The following MIS18A variants were observed in gnomAD, a reference collection of about 807,000 sequenced individuals.
MIS18A encodes the protein protein Mis18-alpha.
MIS18A carries 14 observed loss-of-function variants against 25.0 expected under a neutral mutation model. The ratio of observed to expected loss-of-function variants is 0.56; its 90% CI spans 0.37 to 0.88. MIS18A has a LOEUF of 0.88. MIS18A is among the 40% of genes least tolerant of loss of function. MIS18A has a pLI of 0.00. For missense variants in MIS18A, 292 were observed against 290.8 expected (o/e 1.00, Z -0.03); for synonymous variants, 134 against 118.6 (o/e 1.13, Z -0.84).
the MIS18A span, among the ~76,000 whole-genome samples, chr21:32,224,817 C>T: frequency 2.7e-5 from 4 of 148,820 alleles, no homozygotes; most frequent in Admixed American, 6.7e-5. Flanking sequence ...GCCTGCATCG[C>T]CAAGTCAACC....
At chr21:32,189,133 A>AG in the MIS18A span, among the ~76,000 whole-genome samples, 152,333 of 152,334 alleles carry the variant, frequency 1, 76,166 homozygotes, top group Non-Finnish European at 1. Context: ...CGGTGTGCGG[A>AG]CACCGCCATG....
chr21:32,211,758 G>T, the MIS18A span, among the ~76,000 whole-genome samples: 1 of 152,208 alleles, frequency 6.6e-6, no homozygotes, highest in Non-Finnish European at 1.5e-5. Flanking sequence ...TCATAATCAT[G>T]CAAGCTGCAA....
At chr21:32,165,296 C>T in the MIS18A span, among the ~76,000 whole-genome samples, 1 of 151,970 alleles carries the variant, frequency 6.6e-6, no homozygotes, top group Non-Finnish European at 1.5e-5. Flanking sequence ...CGCACTCCAA[C>T]CTGGGCAACA....
chr21:32,181,780 G>C, the MIS18A span, among the ~76,000 whole-genome samples: 8 of 152,132 alleles, frequency 5.3e-5, no homozygotes, highest in South Asian at 2.1e-4. Flanking sequence ...GTGCACATCT[G>C]GATCTGAGAC....
chr21:32,191,766 G>A, the MIS18A span, among the ~76,000 whole-genome samples: 1 of 151,928 alleles, frequency 6.6e-6, no homozygotes, highest in Admixed American at 6.6e-5. Context: ...TTAGCAGAGC[G>A]TTGTGGCGGG....
intron 4 of MIS18A, 43 bp downstream of exon 4, chr21:32,269,664 A>G (rs2031676619): frequency 3.2e-6 from 4 of 1,240,974 alleles, no homozygotes; most frequent in Non-Finnish European, 4.7e-6. Flanking sequence ...CTTCACTGAC[A>G]AACTGTTCAT....
chr21:32,221,271 C>T, the MIS18A span, among the ~76,000 whole-genome samples: 1 of 152,184 alleles, frequency 6.6e-6, no homozygotes, highest in Non-Finnish European at 1.5e-5. Flanking sequence ...ATCAGACCAA[C>T]AGGAGATCTC....
the MIS18A span, among the ~76,000 whole-genome samples, chr21:32,224,506 C>G: frequency 6.7e-6 from 1 of 149,114 alleles, no homozygotes; most frequent in Non-Finnish European, 1.5e-5. Context: ...AGAGCCAAAT[C>G]ATGAGTGAAC....
chr21:32,199,792 C>T, the MIS18A span, among the ~76,000 whole-genome samples: 12 of 151,958 alleles, frequency 7.9e-5, no homozygotes, highest in Non-Finnish European at 1.2e-4. Flanking sequence ...GGCAACAGAG[C>T]GAGACTCTGT....
the MIS18A span, among the ~76,000 whole-genome samples, chr21:32,185,278 C>A: frequency 9.6e-4 from 146 of 152,266 alleles, no homozygotes; most frequent in Non-Finnish European, 1.6e-3. Flanking sequence ...CCAGGAGGGA[C>A]TTAACTGATT....
chr21:32,230,627 A>T, the MIS18A span, among the ~76,000 whole-genome samples: 2 of 152,224 alleles, frequency 1.3e-5, no homozygotes, highest in Non-Finnish European at 2.9e-5. Flanking sequence ...AGCCAAATTA[A>T]TTCAATGGAA....
At chr21:32,226,946 T>G in the MIS18A span, among the ~76,000 whole-genome samples, 1 of 152,034 alleles carries the variant, frequency 6.6e-6, no homozygotes, top group African/African-American at 2.4e-5. Context: ...TTTAGACAAT[T>G]CACAAATAGG....
At chr21:32,238,317 C>T in the MIS18A span, among the ~76,000 whole-genome samples, 1 of 152,168 alleles carries the variant, frequency 6.6e-6, no homozygotes, top group African/African-American at 2.4e-5. Context: ...CTTTATACAA[C>T]TTAGGTTTGT....
chr21:32,194,530 A>G, the MIS18A span, among the ~76,000 whole-genome samples: 1 of 151,992 alleles, frequency 6.6e-6, no homozygotes, highest in Non-Finnish European at 1.5e-5. Context: ...GTGGTGGTGC[A>G]TGCCTGTTAT....
intron 1 of MIS18A, among the ~76,000 whole-genome samples, chr21:32,277,509 G>T (rs778698458): frequency 6.6e-6 from 1 of 152,144 alleles, no homozygotes; most frequent in Admixed American, 6.5e-5. Flanking sequence ...CTGGAGTGCA[G>T]TGGCGCAATC....
the MIS18A span, chr21:32,156,642 T>C: frequency 6.6e-6 from 1 of 152,212 alleles, no homozygotes; most frequent in Non-Finnish European, 1.5e-5. Flanking sequence ...ACCTATATAT[T>C]TTTATGTTCT....
the MIS18A span, among the ~76,000 whole-genome samples, chr21:32,235,866 C>T: frequency 6.6e-6 from 1 of 152,172 alleles, no homozygotes; most frequent in African/African-American, 2.4e-5. Context: ...AGAGGGACAG[C>T]TCTTACTTCC....
the MIS18A span, among the ~76,000 whole-genome samples, chr21:32,172,083 C>T: frequency 2.0e-5 from 3 of 151,964 alleles, no homozygotes; most frequent in African/African-American, 7.2e-5. Context: ...ATTAAAGCCA[C>T]AAGGAGATAT....
the MIS18A span, among the ~76,000 whole-genome samples, chr21:32,165,374 T>C: frequency 3.4e-5 from 5 of 148,544 alleles, no homozygotes; most frequent in African/African-American, 1.2e-4. Context: ...TCAAAAATCC[T>C]CAAAACTCAA....
Sources: gnomAD v4.1 joint callset for allele counts (sites outside exome capture counted in the v4.1 genomes callset) on GRCh38, gnomAD v4.1.1 for gene constraint, MANE v1.5 for transcripts, NCBI Gene and HGNC (gene_info 2026-07-23, HGNC 2026-07-21) for gene names.